Variants in STC2 observed in about 807,000 individuals in gnomAD.
STC2 encodes the protein stanniocalcin 2, also known as stanniocalcin-2.
A neutral mutation model predicts 22.7 loss-of-function variants in STC2; 7 were observed. The ratio of observed to expected loss-of-function variants is 0.31; its 90% CI spans 0.18 to 0.58. STC2 has a LOEUF of 0.58. STC2 is among the 20% of genes least tolerant of loss of function. STC2 has a pLI of 0.89. For missense variants in STC2, 336 were observed against 406.2 expected (o/e 0.83, Z 1.48); for synonymous variants, 158 against 163.4 (o/e 0.97, Z 0.25).
chr5:173,324,555 C>T (rs1196542383), intron 2 of STC2, among the ~76,000 whole-genome samples: 1 of 152,232 alleles, frequency 6.6e-6, no homozygotes, highest in Non-Finnish European at 1.5e-5. Context: ...CATGGCCTCC[C>T]CGTGGCCCCC....
rs1366449937 is a variant in STC2, at chr5:173,318,006, G to C, written c.750C>G (p.Ser250Arg). ...GEAGHHLPEP[S>R]SRETGRGAKG... ...TGGCACCTCGGCCAGTCTCCCTACT[G>C]CTGGGCTCTGGGAGGTGATGTCCTG... Residue 250 changes from serine to arginine, a missense_variant, in exon 4 of 4, where the codon AGC becomes AGG. Physicochemically the swap from Ser to Arg is moderately radical, Grantham distance 110. Transcript: ENST00000265087. 1 of 1,613,086 alleles carries C rather than the reference G, an allele frequency of 6.2e-7. No individual in the cohort carries two copies. Among genetic ancestry groups the C allele is most frequent in the Admixed American group, 1.7e-5 (1 of 60,016 alleles).
Position 173,316,751 on chromosome 5 carries a change from G to GAGA in STC2, c.*1093_*1095dup, listed in dbSNP as rs1762426225. The GAGA allele has an allele frequency of 6.6e-6, 1 of 152,112 alleles. No homozygotes were observed. The highest frequency in any genetic ancestry group is 6.5e-5 in the Admixed American group (1 of 15,276). The allele number at this position is 152,112 out of a possible 1,614,324, so 9.4% of individuals were successfully genotyped here. A position where few individuals can be genotyped will look rare whatever the true frequency, so the allele number is the denominator to read the frequency against. On this transcript the variant is annotated 3_prime_UTR_variant, in exon 4 of 4. Coordinates refer to ENST00000265087, the MANE Select transcript of STC2 (RefSeq NM_003714.3). ...CTTTCCTTTCCCATCCCCTCACATG[G>GAGA]AGAAGCCAGGTTTCCAGCTGGGTCT...
Position 173,328,280 on chromosome 5 carries a change from C to A in STC2, c.-87G>T. On this transcript the variant is annotated 5_prime_UTR_variant, in exon 1 of 4. Transcript: ENST00000265087. The stretch of plus-strand genomic sequence containing the variant: ...CCTCCTCTTCCTCCTTCGCCGCTTC[C>A]CCTCCTCCTCCCACTCTTCCTTTTT... 7.7e-7 allele frequency: 1 copy of A among 1,306,120 alleles called. No individual in the cohort carries two copies. The allele number at this position is 1,306,120 out of a possible 1,614,324, so 80.9% of individuals were successfully genotyped here. A position where few individuals can be genotyped will look rare whatever the true frequency, so the allele number is the denominator to read the frequency against.
chr5:173,317,826 T>G lies in STC2; in HGVS notation c.*21A>C, dbSNP rs777437742. 1.3e-6 allele frequency: 2 copies of G among 1,530,166 alleles called. No homozygotes were observed. The highest frequency in any genetic ancestry group is 2.1e-5 in the Admixed American group (1 of 48,528). 94.8% of individuals were successfully genotyped at this position (1,530,166 alleles called of 1,614,324 possible). A position where few individuals can be genotyped will look rare whatever the true frequency, so the allele number is the denominator to read the frequency against. On this transcript the variant is annotated 3_prime_UTR_variant, in exon 4 of 4. Coordinates refer to ENST00000265087, the MANE Select transcript of STC2 (RefSeq NM_003714.3). ...AAAATGGACGGCGTGGAGGAAAGAT[T>G]TCGTGGCCAGGCCTTTCATTTCACC...
intron 2 of STC2, among the ~76,000 whole-genome samples, chr5:173,324,825 T>C (rs1762527275): frequency 6.6e-6 from 1 of 152,240 alleles, no homozygotes; most frequent in East Asian, 1.9e-4. Flanking sequence ...GTTTCCTAAT[T>C]CCCGTTAATC....
chr5:173,315,442 G>A lies in STC2; in HGVS notation c.*2405C>T, dbSNP rs1762409401. 6.6e-6 allele frequency: 1 copy of A among 152,150 alleles called. No individual in the cohort carries two copies. The highest frequency in any genetic ancestry group is 6.5e-5 in the Admixed American group (1 of 15,280). The allele number at this position is 152,150 out of a possible 1,614,324, so 9.4% of individuals were successfully genotyped here. A position where few individuals can be genotyped will look rare whatever the true frequency, so the allele number is the denominator to read the frequency against. On this transcript the variant is annotated 3_prime_UTR_variant, in exon 4 of 4. Transcript: ENST00000265087. ...ATATACAACAGAGATCAGTAAATGG[G>A]TTCAAATGAACACAGTAAACCATTT...
chr5:173,320,447 G>A (rs1762470001), intron 3 of STC2, among the ~76,000 whole-genome samples: 1 of 152,208 alleles, frequency 6.6e-6, no homozygotes, highest in Admixed American at 6.5e-5. Context: ...TTCTGAGGCT[G>A]CAAGCTCAGC....
intron 1 of STC2, among the ~76,000 whole-genome samples, chr5:173,327,163 C>G (rs2113142192): frequency 6.6e-6 from 1 of 152,380 alleles, no homozygotes; most frequent in Non-Finnish European, 1.5e-5. Context: ...CATTCACTCA[C>G]TTGGGGCGTC....
chr5:173,319,777 G>T (rs1201448875), intron 3 of STC2, among the ~76,000 whole-genome samples: 1 of 152,232 alleles, frequency 6.6e-6, no homozygotes, highest in Non-Finnish European at 1.5e-5. Flanking sequence ...GAGCAGAGAG[G>T]AGGAATGCTC....
chr5:173,316,614 C>G lies in STC2; in HGVS notation c.*1233G>C, dbSNP rs900256103. ...GACTCCTCTCCTTATTGCTAAATTT[C>G]CAATTAGGATCTGGAAAATCCTGTC... On this transcript the variant is annotated 3_prime_UTR_variant, in exon 4 of 4. Transcript: ENST00000265087. 3 of 152,068 alleles carry G rather than the reference C, an allele frequency of 2.0e-5. No homozygotes were observed. The highest frequency in any genetic ancestry group is 4.4e-5 in the Non-Finnish European group (3 of 68,020). 9.4% of individuals were successfully genotyped at this position (152,068 alleles called of 1,614,324 possible). A position where few individuals can be genotyped will look rare whatever the true frequency, so the allele number is the denominator to read the frequency against.
chr5:173,322,968 A>G, intron 3 of STC2: 1 of 546,506 alleles, frequency 1.8e-6, no homozygotes, highest in East Asian at 3.1e-5. Flanking sequence ...GACACATTTC[A>G]TTCTTAGTAA....
Position 173,317,908 on chromosome 5 carries a change from C to T in STC2, c.848G>A (p.Gly283Glu), listed in dbSNP as rs1206110908. 7 of 1,611,422 alleles carry T rather than the reference C, an allele frequency of 4.3e-6. No individual in the cohort carries two copies. The Admixed American group carries it at 1.2e-4, about 27-fold the overall frequency. The change falls in exon 4 of 4, where the codon GGA becomes GAA. Residue 283 changes from glycine (G) to glutamate (E), a missense_variant. Transcript: ENST00000265087. ...RGRVGGLGAQ[G>E]PSGSSEWEDE... ...TTCCCACTCGCTGCTTCCGGAAGGT[C>T]CCTGAGCCCCAAGGCCCCCGACTCT...
At chr5:173,320,414 G>A (rs139067070) in intron 3 of STC2, among the ~76,000 whole-genome samples, 61 of 152,328 alleles carry the variant, frequency 4.0e-4, no homozygotes, top group African/African-American at 1.4e-3. Context: ...AATCCAAGCC[G>A]TGTTCCGAGC....
chr5:173,323,449 G>T lies in STC2; in HGVS notation c.295-19C>A, dbSNP rs1474992566. ...ACTTGCCCTGAGAACACACAGGCCGGGGAAGGGAGAGAGGGGCAGAAAGCA... is the reference window on the plus strand; with the variant it reads ...ACTTGCCCTGAGAACACACAGGCCGTGGAAGGGAGAGAGGGGCAGAAAGCA... On this transcript the variant is annotated intron_variant, in intron 2 of 3. Coordinates refer to ENST00000265087, the MANE Select transcript of STC2 (RefSeq NM_003714.3). This position sits in a 1 kb window ranked among gnomAD's most constrained non-coding sequence, Gnocchi z 5.4. The T allele has an allele frequency of 6.3e-7, 1 of 1,590,818 alleles. No homozygotes were observed. The highest frequency in any genetic ancestry group is 1.3e-5 in the African/African-American group (1 of 74,578).
chr5:173,317,604 AC>A lies in STC2; in HGVS notation c.*242del. The A allele has an allele frequency of 2.7e-6, 1 of 377,146 alleles. No individual in the cohort carries two copies. Among genetic ancestry groups the A allele is most frequent in the South Asian group, 8.7e-5 (1 of 11,440 alleles). The allele number at this position is 377,146 out of a possible 1,614,324, so 23.4% of individuals were successfully genotyped here. On this transcript the variant is annotated 3_prime_UTR_variant, in exon 4 of 4. Coordinates refer to ENST00000265087, the MANE Select transcript of STC2 (RefSeq NM_003714.3). ...GAAAGAAGACAAAGGTACGAGGATA[AC>A]GCGGGCGCGCTCCCTTGAGTACGTG...
At chr5:173,320,659 C>T (rs748585107) in intron 3 of STC2, among the ~76,000 whole-genome samples, 11 of 135,516 alleles carry the variant, frequency 8.1e-5, no homozygotes, top group Middle Eastern at 4.3e-3. Flanking sequence ...GTGAGGGGAG[C>T]GGAGAGGAAG....
intron 3 of STC2, chr5:173,322,900 A>G: frequency 2.6e-6 from 1 of 382,114 alleles, no homozygotes; most frequent in South Asian, 2.7e-5. Flanking sequence ...GCTACTCAGA[A>G]TATTCTGAGA....
rs1481045076 is a variant in STC2, at chr5:173,315,253, T to C, written c.*2594A>G. The C allele has an allele frequency of 6.6e-6, 1 of 152,208 alleles. No homozygotes were observed. Among genetic ancestry groups the C allele is most frequent in the Non-Finnish European group, 1.5e-5 (1 of 68,030 alleles). The allele number at this position is 152,208 out of a possible 1,614,324, so 9.4% of individuals were successfully genotyped here. A position where few individuals can be genotyped will look rare whatever the true frequency, so the allele number is the denominator to read the frequency against. ...ACTACTTTGCTTACATTTTAGATTG[T>C]GCAAATGTCTCAATCAATGCTTGCA... On this transcript the variant is annotated 3_prime_UTR_variant, in exon 4 of 4. Coordinates refer to ENST00000265087, the MANE Select transcript of STC2 (RefSeq NM_003714.3).
rs1762427879 is a variant in STC2 at position 173,316,938 on chromosome 5, T to G, written c.*909A>C. The G allele has an allele frequency of 6.6e-6, 1 of 152,092 alleles. No homozygotes were observed. Among genetic ancestry groups the G allele is most frequent in the African/African-American group, 2.4e-5 (1 of 41,388 alleles). 9.4% of individuals were successfully genotyped at this position (152,092 alleles called of 1,614,324 possible). A position where few individuals can be genotyped will look rare whatever the true frequency, so the allele number is the denominator to read the frequency against. On this transcript the variant is annotated 3_prime_UTR_variant, in exon 4 of 4. Transcript: ENST00000265087. ...CAGGAGTCCATGTCAGGCAGTCAGA[T>G]GTATGGCTATGTCGCTGTTTGATAG...
Sources: allele counts gnomAD v4.1 joint callset (sites outside exome capture counted in the v4.1 genomes callset), GRCh38; gene constraint gnomAD v4.1.1; non-coding constraint Gnocchi (gnomAD v3.1); transcripts MANE v1.5; gene names NCBI Gene and HGNC (gene_info 2026-07-23, HGNC 2026-07-21).